The following CFDP1 variants were observed in gnomAD, a reference collection of about 807,000 sequenced individuals.
CFDP1 encodes chromatin remodeling protein CFDP1.
Under a neutral mutation model 40.1 loss-of-function variants are expected in CFDP1, and 31 were observed. The observed-to-expected ratio is 0.77, with a 90% CI of 0.58 to 1.04. The LOEUF (loss-of-function observed/expected upper bound fraction) is 1.04, where lower values mean the gene tolerates loss of function less well. CFDP1 is among the 50% of genes least tolerant of loss of function. The pLI is 0.00. For missense variants in CFDP1, 423 were observed against 343.4 expected, an observed-to-expected ratio of 1.23 and a Z score of -1.83; for synonymous variants, 167 against 120.0, an observed-to-expected ratio of 1.39 and a Z score of -2.56.
At chr16:75,397,089 T>C (rs1039896170) in intron 4 of CFDP1, among the ~76,000 whole-genome samples, 1 of 152,008 alleles carries the variant, frequency 6.6e-6, no homozygotes, top group African/African-American at 2.4e-5. Flanking sequence ...AATTTTTTTG[T>C]ATTTTTAGTA....
Position 75,411,859 on chromosome 16 carries a change from T to A in CFDP1, c.496A>T (p.Thr166Ser). ...KPKETEKVKITKVFDFAGEEV... is the reference protein window; with the variant it reads ...KPKETEKVKISKVFDFAGEEV... ...TCACCAGCAAAATCAAACACCTTGG[T>A]GATTTTAACTTTTTCTGTTTCTTTA... Residue 166 changes from threonine (T) to serine (S), a missense_variant, in exon 4 of 7, where the codon ACC becomes TCC. Coordinates refer to ENST00000283882, the MANE Select transcript of CFDP1 (RefSeq NM_006324.3). 1 of 1,611,512 alleles carries A rather than the reference T, an allele frequency of 6.2e-7. No homozygotes were observed. The highest frequency in any genetic ancestry group is 8.5e-7 in the Non-Finnish European group (1 of 1,179,524).
At chr16:75,428,747 GA>G (rs1043664497) in intron 1 of CFDP1, among the ~76,000 whole-genome samples, 183 of 151,916 alleles carry the variant, frequency 1.2e-3, no homozygotes, top group African/African-American at 4.1e-3. Flanking sequence ...AAAATTATAG[GA>G]AAAAAAAGTT....
chr16:75,388,191 T>C (rs1470913224), intron 5 of CFDP1, among the ~76,000 whole-genome samples: 2 of 152,318 alleles, frequency 1.3e-5, no homozygotes, highest in East Asian at 3.9e-4. Flanking sequence ...ATCTGTGAAA[T>C]GGGCACAAAG....
chr16:75,397,014 T>C (rs566644103), intron 4 of CFDP1, among the ~76,000 whole-genome samples: 86 of 151,900 alleles, frequency 5.7e-4, no homozygotes, highest in African/African-American at 1.4e-3. Context: ...CCTGGGTTCA[T>C]GCCATTCTCC....
Position 75,411,096 on chromosome 16 carries a change from C to T in CFDP1, c.530+729G>A, listed in dbSNP as rs1416808508. Among the ~76,000 whole-genome samples, 4 of 151,740 alleles carry T rather than the reference C, an allele frequency of 2.6e-5. No individual in the cohort carries two copies. In the South Asian group the frequency reaches 6.2e-4, roughly 24 times the overall value. The stretch of plus-strand genomic sequence containing the variant: ...AACAGGGCATGGTTGCACAGGCTTG[C>T]AATCCCATCTACTTGGGAGGCTGAG... On this transcript the variant is annotated intron_variant, in intron 4 of 6. Transcript: ENST00000283882.
rs371488344 is a variant in CFDP1 at position 75,395,098 on chromosome 16, G to A, written c.642C>T (p.Ala214=). 1.7e-4 allele frequency: 269 copies of A among 1,613,648 alleles called. 1 individual carries two copies. The highest frequency in any genetic ancestry group is 5.3e-4 in the Admixed American group (32 of 60,000). The change falls in exon 5 of 7, where the codon GCC becomes GCT. Residue 214 remains alanine (A), a synonymous_variant. Coordinates refer to ENST00000283882, the MANE Select transcript of CFDP1 (RefSeq NM_006324.3). ...GAGACTCAAATACTCACCCTGACCC[G>A]GCAGGGAGTGATGGCAGAGCTGAAG... is the stretch of plus-strand genomic sequence containing the variant. ...NVPSALPSLP[A]GSGLKRSSGM...
chr16:75,352,692 C>T (rs78917650), intron 5 of CFDP1, among the ~76,000 whole-genome samples: 9 of 152,052 alleles, frequency 5.9e-5, no homozygotes, highest in African/African-American at 2.2e-4. Context: ...ATATGCATTC[C>T]GTACAAACTA....
chr16:75,406,323 G>A (rs2079098672), intron 4 of CFDP1, among the ~76,000 whole-genome samples: 1 of 152,082 alleles, frequency 6.6e-6, no homozygotes, highest in Non-Finnish European at 1.5e-5. Context: ...GCTGTAGTGG[G>A]CCATGAGGGA....
At position 75,305,092 on chromosome 16, in the gene CFDP1, G is replaced by C; in HGVS notation, c.741C>G (p.Asp247Glu). 3.1e-6 allele frequency: 5 copies of C among 1,614,126 alleles called. No homozygotes were observed. Among genetic ancestry groups the C allele is most frequent in the Non-Finnish European group, 4.2e-6 (5 of 1,180,026 alleles). ...KMSTLEKSKLDWESFKEEEGI... is the reference protein window; with the variant it reads ...KMSTLEKSKLEWESFKEEEGI... ...CCTCTTCCTCCTTGAAGCTCTCCCA[G>C]TCCAGTTTGGACTTCTCAAGGGTGC... is the stretch of plus-strand genomic sequence containing the variant. The change falls in exon 6 of 7, where the codon GAC (aspartate) becomes GAG (glutamate). Residue 247 changes from aspartate (D) to glutamate (E), a missense_variant. Asp to Glu is a conservative substitution (Grantham distance 45). Coordinates refer to ENST00000283882, the MANE Select transcript of CFDP1 (RefSeq NM_006324.3).
chr16:75,322,538 G>C (rs60573633), intron 5 of CFDP1, among the ~76,000 whole-genome samples: 1 of 152,122 alleles, frequency 6.6e-6, no homozygotes, highest in Non-Finnish European at 1.5e-5. Flanking sequence ...AAGTACTGTA[G>C]GCAACTGTAA....
chr16:75,345,710 G>GT (rs1249906440), intron 5 of CFDP1, among the ~76,000 whole-genome samples: 1 of 152,126 alleles, frequency 6.6e-6, no homozygotes, highest in Non-Finnish European at 1.5e-5. Flanking sequence ...AAGATCATAT[G>GT]TTTTTTTCAT....
intron 5 of CFDP1, among the ~76,000 whole-genome samples, chr16:75,340,031 C>T (rs1366794307): frequency 6.6e-6 from 1 of 152,158 alleles, no homozygotes; most frequent in Non-Finnish European, 1.5e-5. Context: ...CTAGTTTTTG[C>T]ATGCCTCAAT....
chr16:75,332,336 G>A (rs553446267), intron 5 of CFDP1, among the ~76,000 whole-genome samples: 6 of 152,100 alleles, frequency 3.9e-5, no homozygotes, highest in South Asian at 2.1e-4. Flanking sequence ...GTAGTGGCAC[G>A]CACCTATAAT....
At chr16:75,329,226 TCTGC>T (rs2078427266) in intron 5 of CFDP1, among the ~76,000 whole-genome samples, 1 of 152,194 alleles carries the variant, frequency 6.6e-6, no homozygotes, top group Non-Finnish European at 1.5e-5. Flanking sequence ...CCTCAGGTGA[TCTGC>T]CTGCACTGGC....
intron 1 of CFDP1, among the ~76,000 whole-genome samples, chr16:75,432,652 G>A (rs1170743998): frequency 6.6e-6 from 1 of 152,184 alleles, no homozygotes; most frequent in East Asian, 1.9e-4. Context: ...TCTTTCAACT[G>A]AAGATGTGAA....
intron 5 of CFDP1, among the ~76,000 whole-genome samples, chr16:75,342,390 C>A (rs192797318): frequency 8.5e-5 from 13 of 152,132 alleles, no homozygotes; most frequent in Non-Finnish European, 1.8e-4. Flanking sequence ...CTTATGTATC[C>A]AAAACTCTGC....
intron 5 of CFDP1, among the ~76,000 whole-genome samples, chr16:75,335,153 C>A (rs1187520134): frequency 6.6e-6 from 1 of 152,152 alleles, no homozygotes; most frequent in East Asian, 1.9e-4. Flanking sequence ...GCTGGTCTTA[C>A]CAGCTCATAA....
At chr16:75,429,429 G>T (rs996874202) in intron 1 of CFDP1, among the ~76,000 whole-genome samples, 2 of 152,108 alleles carry the variant, frequency 1.3e-5, no homozygotes, top group African/African-American at 4.8e-5. Flanking sequence ...TGAGGAGGGC[G>T]GATCACCTGA....
At chr16:75,416,729 C>A (rs11149830) in intron 1 of CFDP1, among the ~76,000 whole-genome samples, 2 of 151,594 alleles carry the variant, frequency 1.3e-5, no homozygotes, top group Non-Finnish European at 2.9e-5. Flanking sequence ...GCCTGGGTAA[C>A]AGAGCAAGAC....
Sources: allele counts gnomAD v4.1 joint callset (sites outside exome capture counted in the v4.1 genomes callset), GRCh38; gene constraint gnomAD v4.1.1; transcripts MANE v1.5; gene names NCBI Gene and HGNC (gene_info 2026-07-23, HGNC 2026-07-21).